Variants in PTPRD observed in about 807,000 individuals in gnomAD.
The protein encoded by PTPRD is receptor-type tyrosine-protein phosphatase delta.
A neutral mutation model predicts 214.5 loss-of-function variants in PTPRD; 34 were observed. That is an observed-to-expected ratio of 0.16 (90% CI 0.12 to 0.21). The LOEUF (loss-of-function observed/expected upper bound fraction) is 0.21, where lower values mean the gene tolerates loss of function less well. PTPRD is among the 10% of genes least tolerant of loss of function. The probability of loss-of-function intolerance (pLI) is 1.00; values close to 1 mark genes in which losing one functional copy is unlikely to be tolerated. For missense variants in PTPRD, 2,545 were observed against 2,398.7 expected, an observed-to-expected ratio of 1.06 and a Z score of -1.27; for synonymous variants, 1,128 against 845.7, an observed-to-expected ratio of 1.33 and a Z score of -5.79.
At chr9:8,807,661 A>G (rs12000643) in intron 11 of PTPRD, among the ~76,000 whole-genome samples, 9,761 of 150,576 alleles carry the variant, frequency 0.065, 990 homozygotes, top group African/African-American at 0.22. Flanking sequence ...CTCACCTCAT[A>G]TCTTAATCAT....
At chr9:9,094,578 C>G (rs2099780847) in intron 10 of PTPRD, among the ~76,000 whole-genome samples, 1 of 152,122 alleles carries the variant, frequency 6.6e-6, no homozygotes, top group Non-Finnish European at 1.5e-5. Flanking sequence ...ACAGTGTACA[C>G]TGCTCAGGTG....
At chr9:10,148,694 A>C (rs1419197471) in intron 3 of PTPRD, among the ~76,000 whole-genome samples, 1 of 152,192 alleles carries the variant, frequency 6.6e-6, no homozygotes, top group Non-Finnish European at 1.5e-5. Context: ...ATTTTGGCTG[A>C]TAGTAGAATC....
At chr9:9,408,303 A>T (rs2141762631) in intron 8 of PTPRD, among the ~76,000 whole-genome samples, 1 of 151,970 alleles carries the variant, frequency 6.6e-6, no homozygotes, top group East Asian at 1.9e-4. Flanking sequence ...GAACCAGAGA[A>T]ATCTAAAACA....
Position 8,854,146 on chromosome 9 carries a change from A to G in PTPRD, c.-103-120200T>C, listed in dbSNP as rs545842642. On this transcript the variant is annotated intron_variant, in intron 11 of 45. Transcript: ENST00000381196. ...CGTAAAGTTTATTTTCGAGATTCCT[A>G]GAAACTTTTGGGAATTAAAAAGGTA... is the stretch of plus-strand genomic sequence containing the variant. Among the ~76,000 whole-genome samples the G allele has an allele frequency of 2.0e-5, 3 of 152,240 alleles. No homozygotes were observed. In the South Asian group the frequency reaches 6.2e-4, roughly 32 times the overall value.
intron 39 of PTPRD, among the ~76,000 whole-genome samples, chr9:8,355,887 G>A (rs2076865014): frequency 6.6e-6 from 1 of 152,008 alleles, no homozygotes; most frequent in African/African-American, 2.4e-5. Context: ...TGGGTAATGA[G>A]GATACAGGCA....
chr9:10,025,840 A>C (rs1289797437), intron 4 of PTPRD, among the ~76,000 whole-genome samples: 1 of 152,192 alleles, frequency 6.6e-6, no homozygotes, highest in East Asian at 1.9e-4. Flanking sequence ...TGGATGATTA[A>C]ATAAACACCT....
intron 2 of PTPRD, among the ~76,000 whole-genome samples, chr9:10,504,564 G>A (rs1439104715): frequency 6.6e-6 from 1 of 152,104 alleles, no homozygotes; most frequent in Non-Finnish European, 1.5e-5. Flanking sequence ...GAGTGTAACA[G>A]CAATATCAAG....
At chr9:8,543,232 A>C (rs1009046903) in intron 14 of PTPRD, among the ~76,000 whole-genome samples, 1 of 152,214 alleles carries the variant, frequency 6.6e-6, no homozygotes, top group African/African-American at 2.4e-5. Flanking sequence ...TAGTTGTAAT[A>C]GACTGACACA....
chr9:9,939,154 G>T (rs753266492), intron 4 of PTPRD, among the ~76,000 whole-genome samples: 1 of 152,006 alleles, frequency 6.6e-6, no homozygotes, highest in Admixed American at 6.6e-5. Flanking sequence ...TTTCTCAAAC[G>T]CACCAGAGTG....
At chr9:9,895,432 A>T (rs995095834) in intron 5 of PTPRD, among the ~76,000 whole-genome samples, 1 of 151,932 alleles carries the variant, frequency 6.6e-6, no homozygotes, top group Non-Finnish European at 1.5e-5. Flanking sequence ...TGTTTGATAA[A>T]TTTTTCTTTT....
At chr9:8,356,229 C>T (rs2076966351) in intron 39 of PTPRD, among the ~76,000 whole-genome samples, 1 of 152,112 alleles carries the variant, frequency 6.6e-6, no homozygotes, top group East Asian at 1.9e-4. Context: ...CAAGAAACAA[C>T]CCCAAATGCG....
At chr9:9,478,455 T>C (rs2095224176) in intron 8 of PTPRD, among the ~76,000 whole-genome samples, 1 of 152,200 alleles carries the variant, frequency 6.6e-6, no homozygotes, top group African/African-American at 2.4e-5. Context: ...CTAAGTACTT[T>C]GCATACATTA....
rs548655229 is a variant in PTPRD, at chr9:10,477,057, AG to A, written c.-600+135340del. Among the ~76,000 whole-genome samples, 120 of 152,330 alleles carry A rather than the reference AG, an allele frequency of 7.9e-4. No individual in the cohort carries two copies. The East Asian group carries it at 0.022, about 28-fold the overall frequency. On this transcript the variant is annotated intron_variant, in intron 2 of 45. Transcript: ENST00000381196. ...GAAGGAAACCTAGGCAATACCATTCAGGACATAGGCATGGGCAAAGAGTTCA... is the reference window on the plus strand; with the variant it reads ...GAAGGAAACCTAGGCAATACCATTCAGACATAGGCATGGGCAAAGAGTTCA...
intron 9 of PTPRD, among the ~76,000 whole-genome samples, chr9:9,236,801 T>C (rs184991066): frequency 6.6e-6 from 1 of 152,004 alleles, no homozygotes; most frequent in Non-Finnish European, 1.5e-5. Context: ...CCAAAGAAAA[T>C]GGCCAGAGAG....
intron 4 of PTPRD, among the ~76,000 whole-genome samples, chr9:9,976,133 A>G (rs2095342074): frequency 6.6e-6 from 1 of 152,138 alleles, no homozygotes; most frequent in South Asian, 2.1e-4. Context: ...CCCCACATCC[A>G]TATACATCCA....
intron 35 of PTPRD, among the ~76,000 whole-genome samples, chr9:8,431,368 G>C (rs1257376169): frequency 6.6e-6 from 1 of 152,096 alleles, no homozygotes; most frequent in Non-Finnish European, 1.5e-5. Flanking sequence ...CTCCAGAGAA[G>C]ATATCAGGAA....
intron 3 of PTPRD, among the ~76,000 whole-genome samples, chr9:10,117,957 A>C (rs748712908): frequency 1.6e-4 from 24 of 152,074 alleles, no homozygotes; most frequent in Non-Finnish European, 3.1e-4. Context: ...GAGGTAAACT[A>C]TCTACCAACC....
At position 8,484,343 on chromosome 9, in the gene PTPRD, C is replaced by T. The variant is rs2135790484; in HGVS notation, c.3189G>A (p.Val1063=). Residue 1063 remains valine, a synonymous_variant, in exon 30 of 46, where the codon GTG becomes GTA. Coordinates refer to ENST00000381196, the MANE Select transcript of PTPRD (RefSeq NM_002839.4). The part of the protein sequence containing the change: ...LYDDGKMVEE[V]DGRATQKLIV... ...TTAACTTCTGTGTGGCTCGGCCATC[C>T]ACTTCTTCTACCATTTTCCCATCAT... The T allele has an allele frequency of 6.2e-7, 1 of 1,614,002 alleles. No individual in the cohort carries two copies. Among genetic ancestry groups the T allele is most frequent in the Non-Finnish European group, 8.5e-7 (1 of 1,179,986 alleles).
At chr9:8,323,506 T>C (rs752596881) in intron 44 of PTPRD, among the ~76,000 whole-genome samples, 6 of 152,194 alleles carry the variant, frequency 3.9e-5, no homozygotes, top group Admixed American at 6.5e-5. Context: ...GATCAAATTA[T>C]CAACAGTAAC....
Sources: gnomAD v4.1 joint callset for allele counts (sites outside exome capture counted in the v4.1 genomes callset) on GRCh38, gnomAD v4.1.1 for gene constraint, MANE v1.5 for transcripts, NCBI Gene and HGNC (gene_info 2026-07-23, HGNC 2026-07-21) for gene names.